ADGRL3: variants seen among roughly 807,000 people sequenced by gnomAD.
The protein encoded by ADGRL3 is calcium-independent alpha-latrotoxin receptor 3.
Under a neutral mutation model 153.5 loss-of-function variants are expected in ADGRL3, and 62 were observed. The ratio of observed to expected loss-of-function variants is 0.40; its 90% CI spans 0.33 to 0.50. The LOEUF (loss-of-function observed/expected upper bound fraction) is 0.50, where lower values mean the gene tolerates loss of function less well. ADGRL3 is among the 20% of genes least tolerant of loss of function. The pLI is 0.47. For missense variants in ADGRL3, 1,641 were observed against 1,859.4 expected (o/e 0.88, Z 2.16); for synonymous variants, 710 against 672.5 (o/e 1.06, Z -0.86).
At chr4:61,976,471 A>G (rs2099048456) in intron 17 of ADGRL3, among the ~76,000 whole-genome samples, 1 of 152,212 alleles carries the variant, frequency 6.6e-6, no homozygotes, top group Non-Finnish European at 1.5e-5. Context: ...TTGAATTGCA[A>G]TAATCAAGTG....
At chr4:61,995,568 A>G (rs145601604) in intron 19 of ADGRL3, among the ~76,000 whole-genome samples, 23 of 152,324 alleles carry the variant, frequency 1.5e-4, no homozygotes, top group African/African-American at 5.5e-4. Context: ...ATTTACATTA[A>G]TCTTTCTCAT....
chr4:61,259,953 C>G (rs1312370451), intron 1 of ADGRL3, among the ~76,000 whole-genome samples: 1 of 152,144 alleles, frequency 6.6e-6, no homozygotes, highest in Non-Finnish European at 1.5e-5. Flanking sequence ...GAATCTAACA[C>G]TACTAGAGGC....
chr4:61,348,544 C>T, intron 1 of ADGRL3, among the ~76,000 whole-genome samples: 1 of 151,948 alleles, frequency 6.6e-6, no homozygotes, highest in East Asian at 1.9e-4. Context: ...ATTAACCAAA[C>T]TTACATTCTT....
chr4:61,761,918 G>T (rs1483958449), intron 8 of ADGRL3, among the ~76,000 whole-genome samples: 1 of 152,184 alleles, frequency 6.6e-6, no homozygotes, highest in African/African-American at 2.4e-5. Flanking sequence ...GCAACAGAGT[G>T]AGACTCTGTC....
chr4:61,273,325 T>A (rs1304845909), intron 1 of ADGRL3, among the ~76,000 whole-genome samples: 1 of 152,162 alleles, frequency 6.6e-6, no homozygotes. Context: ...TAGTGTCTTT[T>A]CCCAGCTGGG....
intron 2 of ADGRL3, among the ~76,000 whole-genome samples, chr4:61,429,571 A>T (rs531109906): frequency 6.6e-6 from 1 of 152,302 alleles, no homozygotes; most frequent in South Asian, 2.1e-4. Context: ...AAATGATTAT[A>T]GAGTTTTATC....
At chr4:61,995,963 G>T (rs2151033821) in intron 19 of ADGRL3, among the ~76,000 whole-genome samples, 1 of 152,170 alleles carries the variant, frequency 6.6e-6, no homozygotes, top group East Asian at 1.9e-4. Flanking sequence ...ATAGCTTAAA[G>T]CTACTTGATT....
At chr4:62,044,407 C>A in intron 24 of ADGRL3, 46 bp from the exon 25 acceptor site, 1 of 1,188,946 alleles carries the variant, frequency 8.4e-7, no homozygotes, top group Non-Finnish European at 1.2e-6. Context: ...TGTGAAAATT[C>A]ACTGCATCAT....
chr4:61,990,952 CTGTGTGTGTGTGTGTG>C (rs34294452), intron 19 of ADGRL3, among the ~76,000 whole-genome samples: 19,889 of 142,346 alleles, frequency 0.14, 1,664 homozygotes, highest in East Asian at 0.25. Context: ...ATGTTTGAAA[CTGTGTGTGTGTGTGTG>C]TGTGTGTGTG....
intron 4 of ADGRL3, among the ~76,000 whole-genome samples, chr4:61,520,913 T>G (rs335315): frequency 6.6e-6 from 1 of 151,254 alleles, no homozygotes. Flanking sequence ...GCCTGAATTG[T>G]GCACCACTCC....
At chr4:61,500,218 T>A (rs1386657677) in intron 3 of ADGRL3, among the ~76,000 whole-genome samples, 1 of 152,204 alleles carries the variant, frequency 6.6e-6, no homozygotes, top group Non-Finnish European at 1.5e-5. Context: ...TCTTGAGTTT[T>A]GAACCATAGA....
intron 1 of ADGRL3, among the ~76,000 whole-genome samples, chr4:61,358,748 C>T (rs2096235710): frequency 6.6e-6 from 1 of 152,108 alleles, no homozygotes; most frequent in Non-Finnish European, 1.5e-5. Flanking sequence ...CTCTAATCTA[C>T]AAGTTTTGGA....
At chr4:61,255,375 T>C (rs539592386) in intron 1 of ADGRL3, among the ~76,000 whole-genome samples, 1 of 152,306 alleles carries the variant, frequency 6.6e-6, no homozygotes, top group African/African-American at 2.4e-5. Context: ...TGATTTTGTT[T>C]CTGTAAAATT....
chr4:61,394,458 A>G (rs1490296468), intron 2 of ADGRL3, among the ~76,000 whole-genome samples: 1 of 152,068 alleles, frequency 6.6e-6, no homozygotes, highest in Non-Finnish European at 1.5e-5. Flanking sequence ...AGTTCAAATG[A>G]CAAACTCCCC....
chr4:62,067,789 A>G (rs552761305), intron 25 of ADGRL3, among the ~76,000 whole-genome samples: 1 of 152,198 alleles, frequency 6.6e-6, no homozygotes, highest in East Asian at 1.9e-4. Context: ...ATACTCTAAC[A>G]TACACACACA....
chr4:61,644,405 C>T (rs2093854236), intron 5 of ADGRL3, among the ~76,000 whole-genome samples: 1 of 151,868 alleles, frequency 6.6e-6, no homozygotes, highest in African/African-American at 2.4e-5. Flanking sequence ...TAGATCTTTC[C>T]TGCTTTCTCT....
intron 8 of ADGRL3, among the ~76,000 whole-genome samples, chr4:61,771,716 C>T (rs193118966): frequency 6.6e-6 from 1 of 152,214 alleles, no homozygotes; most frequent in East Asian, 1.9e-4. Flanking sequence ...CAACCACAAC[C>T]ACTCCCCACC....
At chr4:61,367,872 T>A (rs1286005291) in intron 1 of ADGRL3, among the ~76,000 whole-genome samples, 2 of 141,032 alleles carry the variant, frequency 1.4e-5, no homozygotes, top group Non-Finnish European at 3.1e-5. Flanking sequence ...AAAGTGTTCC[T>A]ATTTCTCCAC....
At chr4:61,839,855 T>G (rs1310745928) in intron 9 of ADGRL3, among the ~76,000 whole-genome samples, 1 of 150,964 alleles carries the variant, frequency 6.6e-6, no homozygotes, top group Non-Finnish European at 1.5e-5. Flanking sequence ...GGGGCTGAGG[T>G]GGGAGGATCA....
Sources: gnomAD v4.1 joint callset for allele counts (sites outside exome capture counted in the v4.1 genomes callset) on GRCh38, gnomAD v4.1.1 for gene constraint, MANE v1.5 for transcripts, NCBI Gene and HGNC (gene_info 2026-07-23, HGNC 2026-07-21) for gene names.